SLC24A2: variants seen among roughly 807,000 people sequenced by gnomAD.
SLC24A2 encodes solute carrier family 24 member 2, also known as sodium/potassium/calcium exchanger 2.
Under a neutral mutation model 62.0 loss-of-function variants are expected in SLC24A2, and 36 were observed. The observed-to-expected ratio is 0.58, with a 90% CI of 0.44 to 0.77. The LOEUF is 0.77. SLC24A2 is among the 30% of genes least tolerant of loss of function. The pLI is 0.00. For synonymous variants in SLC24A2, 358 were observed against 294.0 expected, an observed-to-expected ratio of 1.22 and a Z score of -2.23; for missense variants, 846 against 817.9, an observed-to-expected ratio of 1.03 and a Z score of -0.42.
chr9:19,774,511 T>C (rs756917557), intron 2 of SLC24A2, among the ~76,000 whole-genome samples: 1 of 152,158 alleles, frequency 6.6e-6, no homozygotes, highest in African/African-American at 2.4e-5. Context: ...AAATAAGTGG[T>C]TCAATATATA....
At chr9:19,571,531 A>G (rs540443123) in intron 7 of SLC24A2, among the ~76,000 whole-genome samples, 205 of 152,270 alleles carry the variant, frequency 1.3e-3, no homozygotes, top group African/African-American at 4.2e-3. Context: ...ACTTTAGGGT[A>G]GTGCTACTCC....
the SLC24A2 span, among the ~76,000 whole-genome samples, chr9:19,874,618 G>T: frequency 6.6e-6 from 1 of 152,114 alleles, no homozygotes; most frequent in East Asian, 1.9e-4. Flanking sequence ...TGTTTAGAAA[G>T]GTCTGTGGCA....
At chr9:20,180,770 T>C in the SLC24A2 span, among the ~76,000 whole-genome samples, 1 of 152,314 alleles carries the variant, frequency 6.6e-6, no homozygotes. Flanking sequence ...TTTGCTCCTC[T>C]TCAGTTTAAA....
chr9:19,836,419 A>G, the SLC24A2 span, among the ~76,000 whole-genome samples: 1 of 152,228 alleles, frequency 6.6e-6, no homozygotes, highest in Non-Finnish European at 1.5e-5. Context: ...CCACAGAAAT[A>G]CAAAAGACCA....
At chr9:19,853,292 C>A in the SLC24A2 span, among the ~76,000 whole-genome samples, 1 of 152,072 alleles carries the variant, frequency 6.6e-6, no homozygotes, top group African/African-American at 2.4e-5. Flanking sequence ...ATTTGAATAC[C>A]CTTTATTTTT....
the SLC24A2 span, among the ~76,000 whole-genome samples, chr9:20,266,130 T>G: frequency 9.2e-5 from 14 of 152,202 alleles, no homozygotes; most frequent in Non-Finnish European, 1.6e-4. Context: ...CTGCCTCCAT[T>G]TGCCTTGTGA....
the SLC24A2 span, among the ~76,000 whole-genome samples, chr9:20,074,555 C>CAGGAAGGAAGGAAGGAAGGA: frequency 2.4e-3 from 207 of 87,348 alleles, 10 homozygotes; most frequent in African/African-American, 0.011. Flanking sequence ...GAGAAGAAGG[C>CAGGAAGGAAGGAAGGAAGGA]AGGAAGGAAG....
chr9:19,716,046 A>C (rs981631060), intron 2 of SLC24A2, among the ~76,000 whole-genome samples: 3 of 152,212 alleles, frequency 2.0e-5, no homozygotes, highest in Non-Finnish European at 4.4e-5. Flanking sequence ...TAGAGGCTTT[A>C]TGAAGAGCCT....
At chr9:19,930,305 T>A in the SLC24A2 span, among the ~76,000 whole-genome samples, 2 of 152,220 alleles carry the variant, frequency 1.3e-5, no homozygotes, top group Non-Finnish European at 2.9e-5. Flanking sequence ...TGTTTCCACA[T>A]TGAGATGTAT....
the SLC24A2 span, among the ~76,000 whole-genome samples, chr9:19,965,158 G>T: frequency 6.6e-6 from 1 of 152,078 alleles, no homozygotes; most frequent in African/African-American, 2.4e-5. Context: ...AGAAAAGGTA[G>T]AAGTAATACC....
chr9:20,172,078 A>G, the SLC24A2 span, among the ~76,000 whole-genome samples: 2 of 152,084 alleles, frequency 1.3e-5, no homozygotes, highest in Non-Finnish European at 1.5e-5. Context: ...AAACCATGCA[A>G]ATACATGGAA....
At chr9:19,932,270 T>A in the SLC24A2 span, among the ~76,000 whole-genome samples, 2 of 152,190 alleles carry the variant, frequency 1.3e-5, no homozygotes, top group Non-Finnish European at 2.9e-5. Context: ...AGATGAAAGC[T>A]TGGGAAGGAT....
chr9:19,789,114 T>C (rs528778086), upstream of SLC24A2, among the ~76,000 whole-genome samples: 86 of 152,270 alleles, frequency 5.6e-4, no homozygotes, highest in Non-Finnish European at 9.3e-4. Context: ...CTGTGCGCTG[T>C]GCGCTGGGAG....
At chr9:19,904,093 T>G in the SLC24A2 span, among the ~76,000 whole-genome samples, 4 of 152,288 alleles carry the variant, frequency 2.6e-5, no homozygotes, top group South Asian at 8.3e-4. Context: ...AGCAAAGACC[T>G]GCCAGGACCT....
the SLC24A2 span, among the ~76,000 whole-genome samples, chr9:19,804,269 T>C: frequency 1.3e-5 from 2 of 152,190 alleles, no homozygotes; most frequent in South Asian, 4.1e-4. Flanking sequence ...GGAAATTACT[T>C]ATATTTATTT....
the SLC24A2 span, among the ~76,000 whole-genome samples, chr9:19,838,210 C>G: frequency 6.6e-6 from 1 of 152,028 alleles, no homozygotes; most frequent in Admixed American, 6.5e-5. Flanking sequence ...GGAACTGGTA[C>G]CAAAACAGAG....
At chr9:19,886,016 G>A in the SLC24A2 span, among the ~76,000 whole-genome samples, 17 of 152,136 alleles carry the variant, frequency 1.1e-4, no homozygotes, top group African/African-American at 3.6e-4. Context: ...CATTTAGGTT[G>A]ATTCCATGTC....
the SLC24A2 span, among the ~76,000 whole-genome samples, chr9:20,280,690 G>T: frequency 1.3e-5 from 2 of 152,190 alleles, no homozygotes; most frequent in Admixed American, 1.3e-4. Context: ...AACACCAGAG[G>T]CTATGAATGT....
the SLC24A2 span, among the ~76,000 whole-genome samples, chr9:20,100,102 T>A: frequency 6.6e-6 from 1 of 152,156 alleles, no homozygotes; most frequent in Non-Finnish European, 1.5e-5. Context: ...CTCGTCCTCC[T>A]GGGCTCAGGT....
Sources: allele counts gnomAD v4.1 joint callset (sites outside exome capture counted in the v4.1 genomes callset), GRCh38; gene constraint gnomAD v4.1.1; transcripts MANE v1.5; gene names NCBI Gene and HGNC (gene_info 2026-07-23, HGNC 2026-07-21).